Variants in FANCD2 observed in about 807,000 individuals in gnomAD.
FANCD2 encodes the protein Fanconi anemia group D2 protein.
FANCD2 carries 131 observed loss-of-function variants against 192.3 expected under a neutral mutation model. That is an observed-to-expected ratio of 0.68 (90% CI 0.59 to 0.79). The LOEUF (loss-of-function observed/expected upper bound fraction) is 0.79. FANCD2 is among the 30% of genes least tolerant of loss of function. The pLI, the probability that FANCD2 is intolerant of heterozygous loss-of-function variation, is 0.00. For missense variants in FANCD2, 1,508 were observed against 1,701.6 expected (o/e 0.89, Z 2.00); for synonymous variants, 524 against 612.5 (o/e 0.86, Z 2.13).
At chr3:10,043,203 C>T (rs1363724225) in intron 12 of FANCD2, 53 bp downstream of exon 12, 5 of 1,334,896 alleles carry the variant, frequency 3.7e-6, no homozygotes, top group Non-Finnish European at 5.4e-6. Context: ...ATCCCACTGT[C>T]AGAGTTAGAG....
intron 9 of FANCD2, chr3:10,040,365 G>C: frequency 2.5e-6 from 1 of 405,154 alleles, no homozygotes; most frequent in Non-Finnish European, 4.9e-6. Context: ...TGGTATACCT[G>C]TTATGAGCGT....
chr3:10,089,003 C>T (rs1051378096), intron 36 of FANCD2, 53 bp downstream of exon 36: 18 of 1,602,636 alleles, frequency 1.1e-5, no homozygotes, highest in Non-Finnish European at 1.5e-5. Context: ...CATCATCAGG[C>T]TGGGCACGGT....
At chr3:10,054,469 ATATATTTTTTTTTTTTTT>A (rs1442705010) in intron 18 of FANCD2, among the ~76,000 whole-genome samples, 4 of 22,444 alleles carry the variant, frequency 1.8e-4, no homozygotes, top group African/African-American at 7.2e-4. Context: ...ATATATATAT[ATATATTTTTTTTTTTTTT>A]TTTTTTTTTT....
rs1313865920 is a variant in FANCD2 at position 10,027,920 on chromosome 3, A to T, written c.-33-705A>T. Among the ~76,000 whole-genome samples the T allele has an allele frequency of 4.0e-5, 6 of 150,284 alleles. No individual in the cohort carries two copies. The East Asian group carries it at 1.2e-3, about 30-fold the overall frequency. Reference sequence around the variant, plus strand: ...ACTCCGTCTCAAAAAAAAAAAAAAAAAAAATCACTTCTTTAGGCCGGGCGG... The same window carrying T: ...ACTCCGTCTCAAAAAAAAAAAAAAATAAAATCACTTCTTTAGGCCGGGCGG... On this transcript the variant is annotated intron_variant, in intron 1 of 43. Coordinates refer to ENST00000675286, the MANE Select transcript of FANCD2 (RefSeq NM_001018115.3).
At chr3:10,100,319 A>G (rs1695225678) in intron 43 of FANCD2, among the ~76,000 whole-genome samples, 1 of 152,226 alleles carries the variant, frequency 6.6e-6, no homozygotes, top group African/African-American at 2.4e-5. Flanking sequence ...TCATACTAGT[A>G]TCGTAAGCCA....
chr3:10,070,818 G>T (rs369962711), intron 26 of FANCD2, among the ~76,000 whole-genome samples: 2 of 147,334 alleles, frequency 1.4e-5, no homozygotes, highest in African/African-American at 2.5e-5. Context: ...CCTGTTGATC[G>T]GTGACCTTAC....
At chr3:10,088,567 G>A (rs1455261756) in intron 35 of FANCD2, 25 bp downstream of exon 35, 2 of 1,462,330 alleles carry the variant, frequency 1.4e-6, no homozygotes, top group African/African-American at 2.8e-5. Flanking sequence ...TTCTTCCAAT[G>A]AGCCAAATAG....
In FANCD2 at chr3:10,088,515, C is replaced by G. The variant is rs1472283913; in HGVS notation, c.3533C>G (p.Ser1178Cys). 6.2e-7 allele frequency: 1 copy of G among 1,609,606 alleles called. No individual in the cohort carries two copies. Among genetic ancestry groups the G allele is most frequent in the South Asian group, 1.1e-5 (1 of 90,982 alleles). Residue 1178 changes from serine (S) to cysteine (C), a missense_variant, in exon 35 of 44, where the codon TCT (serine) becomes TGT (cysteine). Transcript: ENST00000675286. ...PSGDKEKSNISNDQLHALLCI... is the reference protein window; with the variant it reads ...PSGDKEKSNICNDQLHALLCI... ...GGGGATAAAGAGAAGAGCAACATCT[C>G]TAATGACCAGCTCCATGCTCTGCTC...
intron 30 of FANCD2, among the ~76,000 whole-genome samples, chr3:10,079,112 C>T (rs368995969): frequency 1.3e-5 from 2 of 151,438 alleles, no homozygotes; most frequent in African/African-American, 4.8e-5. Flanking sequence ...GGTATGGTGG[C>T]GCATGCTTGT....
chr3:10,087,011 TAAG>T, intron 33 of FANCD2, 120 bp from the exon 34 acceptor site: 1 of 1,055,754 alleles, frequency 9.5e-7, no homozygotes, highest in Non-Finnish European at 1.5e-6. Context: ...CACCTGAAAA[TAAG>T]GAGGATTCTG....
chr3:10,065,804 C>A, intron 24 of FANCD2, 60 bp from the exon 25 acceptor site: 1 of 1,069,468 alleles, frequency 9.4e-7, no homozygotes, highest in East Asian at 2.4e-5. Flanking sequence ...GCTCCAGAGG[C>A]AACCTCCAGG....
intron 18 of FANCD2, among the ~76,000 whole-genome samples, chr3:10,059,418 T>C (rs1381296365): frequency 6.6e-6 from 1 of 152,204 alleles, no homozygotes; most frequent in Non-Finnish European, 1.5e-5. Flanking sequence ...ATAGAAATAA[T>C]AACAATAAAA....
At chr3:10,098,131 A>AT (rs1372314829) in intron 42 of FANCD2, among the ~76,000 whole-genome samples, 3 of 152,208 alleles carry the variant, frequency 2.0e-5, no homozygotes, top group African/African-American at 7.2e-5. Flanking sequence ...TATATATGAA[A>AT]TATATAAAAC....
intron 2 of FANCD2, among the ~76,000 whole-genome samples, chr3:10,031,991 G>A (rs911582425): frequency 6.6e-6 from 1 of 151,992 alleles, no homozygotes; most frequent in Non-Finnish European, 1.5e-5. Context: ...TATTACAGGC[G>A]CACGCCACCA....
At chr3:10,039,619 G>A in intron 8 of FANCD2, 102 bp from the exon 9 acceptor site, 1 of 1,305,116 alleles carries the variant, frequency 7.7e-7, no homozygotes, top group Non-Finnish European at 1.1e-6. Flanking sequence ...ATAAATGACT[G>A]TGTTTATTTC....
intron 16 of FANCD2, 27 bp downstream of exon 16, chr3:10,048,078 G>A (rs2125003719): frequency 3.1e-6 from 5 of 1,614,102 alleles, no homozygotes; most frequent in South Asian, 1.1e-5. Flanking sequence ...ATTTTGGCAA[G>A]GAGGGAACAC....
intron 9 of FANCD2, 90 bp from the exon 10 acceptor site, chr3:10,041,533 C>T: frequency 1.1e-6 from 1 of 930,602 alleles, no homozygotes; most frequent in Non-Finnish European, 1.8e-6. Flanking sequence ...CCTTTATTTT[C>T]ATACTCTAAT....
intron 9 of FANCD2, chr3:10,040,196 G>A (rs547172707): frequency 1.4e-5 from 5 of 346,028 alleles, no homozygotes; most frequent in Non-Finnish European, 2.2e-5. Context: ...TACCATGCCC[G>A]ACTAATTTTT....
At chr3:10,082,874 A>C (rs1437617903) in intron 32 of FANCD2, among the ~76,000 whole-genome samples, 7 of 152,210 alleles carry the variant, frequency 4.6e-5, no homozygotes, top group Admixed American at 4.6e-4. Context: ...ATTACTTAAA[A>C]GCAGTGCCTG....
Sources: allele counts gnomAD v4.1 joint callset (sites outside exome capture counted in the v4.1 genomes callset), GRCh38; gene constraint gnomAD v4.1.1; transcripts MANE v1.5; gene names NCBI Gene and HGNC (gene_info 2026-07-23, HGNC 2026-07-21).